USP18: variants seen among roughly 807,000 people sequenced by gnomAD.
USP18 encodes the protein ubiquitin specific peptidase 18.
Under a neutral mutation model 48.7 loss-of-function variants are expected in USP18, and 11 were observed. The observed-to-expected ratio is 0.23, with a 90% CI of 0.14 to 0.37. The LOEUF is 0.37. USP18 is among the 10% of genes least tolerant of loss of function. The probability of loss-of-function intolerance (pLI) is 1.00; values close to 1 mark genes in which losing one functional copy is unlikely to be tolerated. For synonymous variants in USP18, 114 were observed against 163.2 expected (o/e 0.70, Z 2.30); for missense variants, 285 against 436.4 (o/e 0.65, Z 3.09).
intron 1 of USP18, among the ~76,000 whole-genome samples, chr22:18,151,255 A>G (rs1332147683): frequency 3.9e-5 from 6 of 152,180 alleles, no homozygotes; most frequent in Non-Finnish European, 2.9e-5. Flanking sequence ...TTTAAACACA[A>G]AACTCCATTT....
chr22:18,158,557 C>T (rs1387790033), intron 2 of USP18, among the ~76,000 whole-genome samples: 1 of 152,148 alleles, frequency 6.6e-6, no homozygotes, highest in African/African-American at 2.4e-5. Flanking sequence ...AAAGCCCTTT[C>T]CCCAAGAATC....
chr22:18,155,236 C>A (rs1929096768), intron 1 of USP18, among the ~76,000 whole-genome samples: 1 of 152,218 alleles, frequency 6.6e-6, no homozygotes, highest in Non-Finnish European at 1.5e-5. Context: ...TGTGGGTTCT[C>A]ATCTGGCACT....
chr22:18,171,885 T>C (rs1003631120), intron 8 of USP18, among the ~76,000 whole-genome samples: 3 of 152,178 alleles, frequency 2.0e-5, no homozygotes, highest in African/African-American at 7.2e-5. Context: ...ATACATTTCA[T>C]AGGATTCTCT....
chr22:18,173,344 C>G, intron 9 of USP18, 63 bp downstream of exon 9: 1 of 1,585,452 alleles, frequency 6.3e-7, no homozygotes, highest in Non-Finnish European at 8.6e-7. Flanking sequence ...AAATGCTGGG[C>G]TCAGGGCTGC....
At chr22:18,152,681 G>A (rs183483715) in intron 1 of USP18, among the ~76,000 whole-genome samples, 16 of 152,038 alleles carry the variant, frequency 1.1e-4, no homozygotes, top group Admixed American at 5.2e-4. Flanking sequence ...CTTCAGCTGC[G>A]GTCTCTCTGC....
chr22:18,171,609 C>T (rs2543689), intron 8 of USP18, among the ~76,000 whole-genome samples: 237 of 151,664 alleles, frequency 1.6e-3, no homozygotes, highest in Non-Finnish European at 2.5e-3. Flanking sequence ...CCAGCCTGGG[C>T]AACAGCGCAA....
At chr22:18,168,490 G>A (rs1348177785) in intron 6 of USP18, among the ~76,000 whole-genome samples, 1 of 152,026 alleles carries the variant, frequency 6.6e-6, no homozygotes, top group Non-Finnish European at 1.5e-5. Context: ...TCCGCCTCTG[G>A]TGTTAAGTGA....
chr22:18,163,644 GAAAAAAAGAAAA>G (rs1929390631), intron 4 of USP18, among the ~76,000 whole-genome samples: 2 of 138,232 alleles, frequency 1.4e-5, no homozygotes, highest in African/African-American at 2.7e-5. Context: ...CTCTGTCTCA[GAAAAAAAGAAAA>G]AAAAAAAGAA....
chr22:18,153,984 A>G (rs370049786), intron 1 of USP18, among the ~76,000 whole-genome samples: 2 of 151,862 alleles, frequency 1.3e-5, no homozygotes. Flanking sequence ...ACTTAGGTTG[A>G]TTCCGTATCT....
chr22:18,174,229 TTTTC>T (rs1244253024), intron 10 of USP18, among the ~76,000 whole-genome samples: 11 of 142,294 alleles, frequency 7.7e-5, no homozygotes, highest in African/African-American at 2.3e-4. Flanking sequence ...TTTTCTTTTC[TTTTC>T]TTTTTTTTTT....
chr22:18,160,315 C>T, intron 3 of USP18, 47 bp downstream of exon 3: 2 of 1,606,968 alleles, frequency 1.2e-6, no homozygotes, highest in South Asian at 2.2e-5. Flanking sequence ...ATTTCTTTTT[C>T]CTTTTTTTGA....
At chr22:18,155,350 T>C (rs1364571313) in intron 1 of USP18, among the ~76,000 whole-genome samples, 2 of 152,164 alleles carry the variant, frequency 1.3e-5, no homozygotes, top group Non-Finnish European at 2.9e-5. Flanking sequence ...TGGTGACAGG[T>C]GACAGCGTGC....
At position 18,161,927 on chromosome 22, in the gene USP18, A is replaced by G. The variant is rs748312346; in HGVS notation, c.392A>G (p.Asn131Ser). The G allele has an allele frequency of 1.9e-6, 3 of 1,612,560 alleles. No homozygotes were observed. The highest frequency in any genetic ancestry group is 1.7e-5 in the Admixed American group (1 of 59,776). Residue 131 changes from asparagine (N) to serine (S), a missense_variant, in exon 4 of 11, where the codon AAC becomes AGC. By Grantham distance (46) the Asn-to-Ser change is conservative. Transcript: ENST00000215794. ...LELAYCLQKC[N>S]VPLFVQHDAA... ...CTGGCCTACTGCCTGCAGAAGTGCA[A>G]CGTGCCCTGTAAGATACCCTCCCAC... is the stretch of plus-strand genomic sequence containing the variant.
At chr22:18,166,212 A>G (rs575053454) in intron 4 of USP18, among the ~76,000 whole-genome samples, 6 of 152,152 alleles carry the variant, frequency 3.9e-5, no homozygotes, top group Non-Finnish European at 7.3e-5. Flanking sequence ...CTAATCTGCT[A>G]TTGACCTCCT....
At chr22:18,169,331 T>A (rs1280969001) in intron 6 of USP18, among the ~76,000 whole-genome samples, 2 of 151,994 alleles carry the variant, frequency 1.3e-5, no homozygotes, top group African/African-American at 2.4e-5. Context: ...TCCCAGCACT[T>A]TGGGAGGCTG....
At chr22:18,156,118 G>A (rs1270276607) in intron 1 of USP18, among the ~76,000 whole-genome samples, 1 of 152,194 alleles carries the variant, frequency 6.6e-6, no homozygotes, top group Non-Finnish European at 1.5e-5. Context: ...TAGCTACTCT[G>A]GTGGGGACTT....
At chr22:18,170,669 G>T in intron 7 of USP18, 84 bp from the exon 8 acceptor site, 1 of 1,516,810 alleles carries the variant, frequency 6.6e-7, no homozygotes, top group Non-Finnish European at 8.9e-7. Context: ...CTCTTTTTGG[G>T]AAGAACGCGT....
chr22:18,156,710 G>C (rs1929155037), intron 1 of USP18, among the ~76,000 whole-genome samples: 1 of 152,134 alleles, frequency 6.6e-6, no homozygotes, highest in African/African-American at 2.4e-5. Context: ...CTGAGCTAGC[G>C]AGACCACAAA....
intron 1 of USP18, among the ~76,000 whole-genome samples, chr22:18,153,205 G>A (rs1189974647): frequency 2.0e-5 from 3 of 152,138 alleles, no homozygotes; most frequent in Non-Finnish European, 4.4e-5. Context: ...GAGATGGGTG[G>A]ATCACCTGAG....
Sources: allele counts gnomAD v4.1 joint callset (sites outside exome capture counted in the v4.1 genomes callset), GRCh38; gene constraint gnomAD v4.1.1; transcripts MANE v1.5; gene names NCBI Gene and HGNC (gene_info 2026-07-23, HGNC 2026-07-21).